The following PDE3B variants were observed in gnomAD, a reference collection of about 807,000 sequenced individuals.
PDE3B encodes cGMP-inhibited 3',5'-cyclic phosphodiesterase 3B.
In PDE3B, 66 loss-of-function variants were observed where a neutral mutation model predicts 116.8. That is an observed-to-expected ratio of 0.56 (90% CI 0.46 to 0.69). The LOEUF is 0.69. Among genes scored for constraint, PDE3B ranks in the 30% least tolerant of loss-of-function variants. The pLI is 0.00. For missense variants in PDE3B, 1,384 were observed against 1,368.1 expected (o/e 1.01, Z -0.18); for synonymous variants, 595 against 533.6 (o/e 1.12, Z -1.59).
intron 1 of PDE3B, among the ~76,000 whole-genome samples, chr11:14,669,762 A>G (rs1854309845): frequency 6.6e-6 from 1 of 151,996 alleles, no homozygotes; most frequent in South Asian, 2.1e-4. Context: ...AGGACACAGT[A>G]TCTGCAGTAT....
In PDE3B at chr11:14,867,627, A is replaced by G. The variant is rs202088348; in HGVS notation, c.3008A>G (p.Tyr1003Cys). 61 of 1,614,004 alleles carry G rather than the reference A, an allele frequency of 3.8e-5. No individual in the cohort carries two copies. Among genetic ancestry groups the G allele is most frequent in the Non-Finnish European group, 4.7e-5 (56 of 1,180,020 alleles). The change falls in exon 15 of 16, where the codon TAT becomes TGT. Residue 1003 changes from tyrosine to cysteine, a missense_variant. Physicochemically the swap from Tyr to Cys is radical, Grantham distance 194. Coordinates refer to ENST00000282096, the MANE Select transcript of PDE3B (RefSeq NM_000922.4). ...THIVGPLCNS[Y>C]DAAGLLPGQW... is the part of the protein sequence containing the mutation. Reference sequence around the variant, plus strand: ...ATAGTGGGTCCCCTGTGTAACTCCTATGATGCTGCTGGTTTGCTACCAGGT... The same window carrying G: ...ATAGTGGGTCCCCTGTGTAACTCCTGTGATGCTGCTGGTTTGCTACCAGGT...
chr11:14,892,561 T>C, the PDE3B span, among the ~76,000 whole-genome samples: 1 of 152,218 alleles, frequency 6.6e-6, no homozygotes, highest in Non-Finnish European at 1.5e-5. Flanking sequence ...GGCCAGACCT[T>C]TCTTAAAGTG....
intron 1 of PDE3B, among the ~76,000 whole-genome samples, chr11:14,725,683 C>A: frequency 6.9e-6 from 1 of 145,228 alleles, no homozygotes. Context: ...ATTAGCAGCT[C>A]CTGACTACTC....
downstream of PDE3B, among the ~76,000 whole-genome samples, chr11:14,874,478 T>C (rs1037046430): frequency 2.6e-5 from 4 of 152,156 alleles, no homozygotes; most frequent in African/African-American, 7.2e-5. Flanking sequence ...TAAGAAAGTG[T>C]GTATCTTTGA....
chr11:14,782,414 A>G (rs554302561), intron 2 of PDE3B, among the ~76,000 whole-genome samples: 1 of 152,286 alleles, frequency 6.6e-6, no homozygotes, highest in South Asian at 2.1e-4. Context: ...AAACAGAGAT[A>G]TAGACCAATG....
At chr11:14,781,253 G>A (rs575917652) in intron 2 of PDE3B, among the ~76,000 whole-genome samples, 4 of 152,218 alleles carry the variant, frequency 2.6e-5, no homozygotes, top group East Asian at 1.9e-4. Flanking sequence ...AGCTGGTACT[G>A]TTCCTTCTGA....
In PDE3B at chr11:14,771,946, T is replaced by C. The variant is rs1857656887; in HGVS notation, c.988T>C (p.Trp330Arg). ...GAATTTTTTTTTCTAGATGATTCTT[T>C]GGGATTGGGACTTAAAACAATGGTA... is the stretch of plus-strand genomic sequence containing the variant. ...PCISREQMILWDWDLKQWYKP... is the reference protein window; with the variant it reads ...PCISREQMILRDWDLKQWYKP... The change falls in exon 2 of 16, where the codon TGG (tryptophan) becomes CGG (arginine). Residue 330 changes from tryptophan (W) to arginine (R), a missense_variant. By Grantham distance (101) the Trp-to-Arg change is moderately radical (BLOSUM62 -3). Around this residue, in one of 2 missense-constraint regions of PDE3B, gnomAD observed 956 missense variants for 806.8 expected, o/e 1.18. Transcript: ENST00000282096. 7.4e-7 allele frequency: 1 copy of C among 1,345,582 alleles called. No individual in the cohort carries two copies. Among genetic ancestry groups the C allele is most frequent in the South Asian group, 1.6e-5 (1 of 60,868 alleles). The allele number at this position is 1,345,582 out of a possible 1,614,324, so 83.4% of individuals were successfully genotyped here. A position where few individuals can be genotyped will look rare whatever the true frequency, so the allele number is the denominator to read the frequency against.
intron 1 of PDE3B, among the ~76,000 whole-genome samples, chr11:14,658,842 A>G (rs751160936): frequency 3.9e-5 from 6 of 152,126 alleles, no homozygotes; most frequent in Non-Finnish European, 7.4e-5. Context: ...TCCTGTCTCT[A>G]CATTTTATGT....
intron 14 of PDE3B, among the ~76,000 whole-genome samples, chr11:14,864,787 G>A (rs1555007802): frequency 6.6e-6 from 1 of 151,628 alleles, no homozygotes. Context: ...TGAAATTAAG[G>A]CAGAAATAAA....
At chr11:14,746,984 G>A (rs1025401045) in intron 1 of PDE3B, among the ~76,000 whole-genome samples, 1 of 152,180 alleles carries the variant, frequency 6.6e-6, no homozygotes, top group African/African-American at 2.4e-5. Context: ...GGCTGTACAG[G>A]AAGTGTGGTG....
chr11:14,722,729 TGA>T (rs1213731992), intron 1 of PDE3B, among the ~76,000 whole-genome samples: 1 of 152,174 alleles, frequency 6.6e-6, no homozygotes, highest in African/African-American at 2.4e-5. Context: ...TATAACCTCA[TGA>T]GAGAACTTGA....
intron 1 of PDE3B, among the ~76,000 whole-genome samples, chr11:14,680,948 T>G (rs945376539): frequency 1.3e-5 from 2 of 152,192 alleles, no homozygotes; most frequent in African/African-American, 4.8e-5. Context: ...TAAGTACAGA[T>G]CCTCCTCAAC....
intron 1 of PDE3B, among the ~76,000 whole-genome samples, chr11:14,665,049 C>T (rs1213127413): frequency 6.6e-6 from 1 of 152,226 alleles, no homozygotes; most frequent in African/African-American, 2.4e-5. Context: ...TCCAGCAGCA[C>T]ATCAAAAAGC....
chr11:14,860,768 G>C (rs1847933395), intron 13 of PDE3B, among the ~76,000 whole-genome samples: 2 of 152,104 alleles, frequency 1.3e-5, no homozygotes, highest in South Asian at 4.1e-4. Flanking sequence ...CTTGTGTTCA[G>C]TTCACTATAT....
chr11:14,839,103 A>C (rs911441910), intron 11 of PDE3B, among the ~76,000 whole-genome samples: 2 of 152,200 alleles, frequency 1.3e-5, no homozygotes, highest in Non-Finnish European at 2.9e-5. Flanking sequence ...CTACAGCCAG[A>C]GTTAGGGGCC....
chr11:14,788,920 A>G (rs1858298740), intron 3 of PDE3B, 186 bp from the exon 4 acceptor site: 1 of 406,414 alleles, frequency 2.5e-6, no homozygotes, highest in Non-Finnish European at 4.3e-6. Flanking sequence ...AGGAAGAGGA[A>G]TAGAATAACA....
At chr11:14,848,761 A>C (rs1847671178) in intron 12 of PDE3B, among the ~76,000 whole-genome samples, 1 of 152,228 alleles carries the variant, frequency 6.6e-6, no homozygotes, top group Non-Finnish European at 1.5e-5. Flanking sequence ...AGGATAAAAT[A>C]CCTAGCAATC....
chr11:14,854,804 C>T (rs1192071767), intron 12 of PDE3B, among the ~76,000 whole-genome samples: 1 of 152,222 alleles, frequency 6.6e-6, no homozygotes, highest in Non-Finnish European at 1.5e-5. Flanking sequence ...CGTGAGCCAC[C>T]GCACCCAGTT....
At chr11:14,783,287 C>G (rs1056700370) in intron 2 of PDE3B, among the ~76,000 whole-genome samples, 16 of 152,330 alleles carry the variant, frequency 1.1e-4, no homozygotes, top group Middle Eastern at 3.4e-3. Flanking sequence ...ATAAATCATG[C>G]TGCTATAAAG....
Sources: gnomAD v4.1 joint callset for allele counts (sites outside exome capture counted in the v4.1 genomes callset) on GRCh38, gnomAD v4.1.1 for gene constraint, gnomAD v4.1.1 regional missense constraint, MANE v1.5 for transcripts, NCBI Gene and HGNC (gene_info 2026-07-23, HGNC 2026-07-21) for gene names.